ALDOC: variants seen among roughly 807,000 people sequenced by gnomAD.
ALDOC encodes aldolase, fructose-bisphosphate C.
Under a neutral mutation model 39.5 loss-of-function variants are expected in ALDOC, and 23 were observed. The observed-to-expected ratio is 0.58, with a 90% CI of 0.42 to 0.82. ALDOC has a LOEUF of 0.82. Ranked by LOEUF, ALDOC falls within the 40% of genes least tolerant of loss-of-function variation. The probability of loss-of-function intolerance (pLI) is 0.00; values close to 1 mark genes in which losing one functional copy is unlikely to be tolerated. For missense variants in ALDOC, 356 were observed against 479.1 expected, an observed-to-expected ratio of 0.74 and a Z score of 2.40; for synonymous variants, 160 against 182.6, an observed-to-expected ratio of 0.88 and a Z score of 1.00.
rs2070457086 is a variant in ALDOC at position 28,573,940 on chromosome 17, G to A, written c.800-6C>T. The A allele has an allele frequency of 1.2e-6, 2 of 1,613,974 alleles. No homozygotes were observed. Among genetic ancestry groups the A allele is most frequent in the African/African-American group, 2.7e-5 (2 of 74,936 alleles). ...CCCAGACAGGAAGGTCACTCCTAGT[G>A]TGGAGGAGAGAAGACAAACTGACTG... On this transcript the variant is annotated splice_polypyrimidine_tract_variant and splice_region_variant and intron_variant, in intron 7 of 8. Coordinates refer to ENST00000226253, the MANE Select transcript of ALDOC (RefSeq NM_005165.3). The surrounding 1 kb of genome is among the most constrained non-coding windows in gnomAD (Gnocchi z 4.3).
Position 28,575,980 on chromosome 17 carries a change from A to G in ALDOC, c.-12-436T>C. 9.9e-7 allele frequency: 1 copy of G among 1,010,938 alleles called. No individual in the cohort carries two copies. The highest frequency in any genetic ancestry group is 1.2e-6 in the Non-Finnish European group (1 of 844,270). The allele number at this position is 1,010,938 out of a possible 1,614,324, so 62.6% of individuals were successfully genotyped here. ...GTGTACTTACTTCCAAGGCTTCAGA[A>G]TGAGGCAAAAGTACTTATTGCCACC... On this transcript the variant is annotated intron_variant, in intron 1 of 8. Transcript: ENST00000226253. This position sits in a 1 kb window ranked among gnomAD's most constrained non-coding sequence, Gnocchi z 4.3.
rs771544765 is a variant in ALDOC, at chr17:28,574,607, G to A, written c.541-30C>T. 9 of 1,613,702 alleles carry A rather than the reference G, an allele frequency of 5.6e-6. No individual in the cohort carries two copies. The South Asian group carries it at 7.7e-5, about 14-fold the overall frequency. Reference sequence around the variant, plus strand: ...AGGCAAGAGCAGAGATGCTTGGGAGGGGCAGTAGGGGAGATGAAGAAAGCC... The same window carrying A: ...AGGCAAGAGCAGAGATGCTTGGGAGAGGCAGTAGGGGAGATGAAGAAAGCC... On this transcript the variant is annotated intron_variant, in intron 5 of 8. Coordinates refer to ENST00000226253, the MANE Select transcript of ALDOC (RefSeq NM_005165.3).
rs769328383 is a variant in ALDOC at position 28,575,241 on chromosome 17, C to T, written c.206G>A (p.Arg69His). 29 of 1,614,022 alleles carry T rather than the reference C, an allele frequency of 1.8e-5. No homozygotes were observed. The highest frequency in any genetic ancestry group is 2.7e-5 in the African/African-American group (2 of 74,936). The change falls in exon 3 of 9, where the codon CGT (arginine) becomes CAT (histidine). Residue 69 changes from arginine to histidine, a missense_variant. Arg to His is a conservative substitution (Grantham distance 29). Transcript: ENST00000226253. The surrounding 1 kb of genome is among the most constrained non-coding windows in gnomAD (Gnocchi z 4.3). Reference protein sequence around the residue: ...YRQVLFSADDRVKKCIGGVIF... With the variant: ...YRQVLFSADDHVKKCIGGVIF... ...GACGCCTCCAATGCACTTTTTCACA[C>T]GGTCATCAGCACTGAACAGGACCTG...
rs1422996870 is a variant in ALDOC at position 28,574,511 on chromosome 17, GACA to G, written c.604_606del (p.Cys202del). 1.1e-5 allele frequency: 18 copies of G among 1,614,092 alleles called. No homozygotes were observed. The Admixed American group carries it at 2.0e-4, about 18-fold the overall frequency. On this transcript the variant is annotated inframe_deletion, in exon 6 of 9. Coordinates refer to ENST00000226253, the MANE Select transcript of ALDOC (RefSeq NM_005165.3). ...GGACTCACCTTCTCTGTAACATACT[GACA>G]ACGTTTGAGGTCGTGGTCTCCATCA...
chr17:28,573,217 A>G lies in ALDOC; in HGVS notation c.*309T>C. 2.0e-6 allele frequency: 1 copy of G among 489,128 alleles called. No individual in the cohort carries two copies. Among genetic ancestry groups the G allele is most frequent in the Non-Finnish European group, 3.7e-6 (1 of 267,296 alleles). The allele number at this position is 489,128 out of a possible 1,614,324, so 30.3% of individuals were successfully genotyped here. ...ATCCCAGGAGACAGGGCAGGCAAGAAGGAGAGCCCAGGGAGAAGCTACCTC... is the reference window on the plus strand; with the variant it reads ...ATCCCAGGAGACAGGGCAGGCAAGAGGGAGAGCCCAGGGAGAAGCTACCTC... On this transcript the variant is annotated 3_prime_UTR_variant, in exon 9 of 9. Transcript: ENST00000226253. This position sits in a 1 kb window ranked among gnomAD's most constrained non-coding sequence, Gnocchi z 4.3.
chr17:28,576,668 A>G (rs887432028), intron 1 of ALDOC, 133 bp downstream of exon 1: 6 of 436,252 alleles, frequency 1.4e-5, no homozygotes, highest in Non-Finnish European at 1.8e-5. Context: ...AGTACGCGGA[A>G]AGGAGCAAAG....
Position 28,574,250 on chromosome 17 carries a change from G to T in ALDOC, c.625-9C>A. 6.3e-7 allele frequency: 1 copy of T among 1,575,978 alleles called. No individual in the cohort carries two copies. Among genetic ancestry groups the T allele is most frequent in the Non-Finnish European group, 8.6e-7 (1 of 1,161,832 alleles). ...TACACAGCAGCCAAGACCTGGGTGG[G>T]GATTAGAGGAGGTTTACTAAGGGTC... On this transcript the variant is annotated splice_polypyrimidine_tract_variant and intron_variant, in intron 6 of 8. Coordinates refer to ENST00000226253, the MANE Select transcript of ALDOC (RefSeq NM_005165.3).
Position 28,574,780 on chromosome 17 carries a change from CA to C in ALDOC, c.455del (p.Leu152ArgfsTer66). On this transcript the variant is annotated frameshift_variant, in exon 5 of 9. Transcript: ENST00000226253. LOFTEE classifies it high-confidence loss of function. ...GADFAKWRCV[L>X]KISERTPSAL... ...CAGAGGGTGTACGCTCACTGATTTT[CA>C]GCACACAGCGCCACTTGGCAAAGTC... 6.2e-7 allele frequency: 1 copy of C among 1,614,254 alleles called. No individual in the cohort carries two copies. The highest frequency in any genetic ancestry group is 8.5e-7 in the Non-Finnish European group (1 of 1,180,048).
chr17:28,575,063 C>G lies in ALDOC; in HGVS notation c.325-57G>C. The stretch of plus-strand genomic sequence containing the variant: ...CCAGGCAGGATTCTCCTTGCTACCC[C>G]TCCTACACAAGCTTATTTTCACACC... On this transcript the variant is annotated intron_variant, in intron 3 of 8. Coordinates refer to ENST00000226253, the MANE Select transcript of ALDOC (RefSeq NM_005165.3). The surrounding 1 kb of genome is among the most constrained non-coding windows in gnomAD (Gnocchi z 4.3). 2 of 1,614,090 alleles carry G rather than the reference C, an allele frequency of 1.2e-6. No individual in the cohort carries two copies. The highest frequency in any genetic ancestry group is 1.7e-6 in the Non-Finnish European group (2 of 1,179,934).
rs751232806 is a variant in ALDOC at position 28,575,752 on chromosome 17, G to A, written c.-12-208C>T. On this transcript the variant is annotated intron_variant, in intron 1 of 8. Coordinates refer to ENST00000226253, the MANE Select transcript of ALDOC (RefSeq NM_005165.3). The surrounding 1 kb of genome is among the most constrained non-coding windows in gnomAD (Gnocchi z 4.3). ...CCACATCTCCTTTTGTCCCTGGTAG[G>A]CATCCTTCCCAGCCCTGGGGAAAGA... is the stretch of plus-strand genomic sequence containing the variant. The A allele has an allele frequency of 5.1e-5, 36 of 711,348 alleles. No homozygotes were observed. The highest frequency in any genetic ancestry group is 6.8e-5 in the Non-Finnish European group (31 of 452,990). 44.1% of individuals were successfully genotyped at this position (711,348 alleles called of 1,614,324 possible).
chr17:28,573,714 C>A lies in ALDOC; in HGVS notation c.999+21G>T. 1 of 1,614,058 alleles carries A rather than the reference C, an allele frequency of 6.2e-7. No individual in the cohort carries two copies. Among genetic ancestry groups the A allele is most frequent in the Non-Finnish European group, 8.5e-7 (1 of 1,180,012 alleles). On this transcript the variant is annotated intron_variant, in intron 8 of 8. Transcript: ENST00000226253. The surrounding 1 kb of genome is among the most constrained non-coding windows in gnomAD (Gnocchi z 4.3). ...AGCCTCTGGGTGCTGCCCCCACCCACCACCACCTGTAGCTCCCAACCTCAG... is the reference window on the plus strand; with the variant it reads ...AGCCTCTGGGTGCTGCCCCCACCCAACACCACCTGTAGCTCCCAACCTCAG...
Position 28,574,160 on chromosome 17 carries a change from G to T in ALDOC, c.706C>A (p.Pro236Thr). ...TACTTGATGGGACAGGCATGGCCCG[G>T]GGTCACCATGTTGGGCTTGAGCAGG... ...GTLLKPNMVTPGHACPIKYTP... is the reference protein window; with the variant it reads ...GTLLKPNMVTTGHACPIKYTP... Residue 236 changes from proline (P) to threonine (T), a missense_variant, in exon 7 of 9, where the codon CCG becomes ACG. Transcript: ENST00000226253. 6.2e-7 allele frequency: 1 copy of T among 1,612,220 alleles called. No homozygotes were observed. The highest frequency in any genetic ancestry group is 8.5e-7 in the Non-Finnish European group (1 of 1,179,034).
intron 6 of ALDOC, 126 bp downstream of exon 6, chr17:28,574,368 G>A (rs1179865666): frequency 2.3e-5 from 33 of 1,440,238 alleles, no homozygotes; most frequent in Non-Finnish European, 3.0e-5. Flanking sequence ...TCACAGGCCT[G>A]TGCCGGGATG....
Position 28,573,873 on chromosome 17 carries a change from G to C in ALDOC, c.861C>G (p.Ile287Met). The change falls in exon 8 of 9, where the codon ATC becomes ATG. Residue 287 changes from isoleucine (I) to methionine (M), a missense_variant. Transcript: ENST00000226253. The surrounding 1 kb of genome is among the most constrained non-coding windows in gnomAD (Gnocchi z 4.3). The part of the protein sequence containing the change: ...EEEASFNLNA[I>M]NRCPLPRPWA... ...AGGGTCGGGGAAGGGGGCAGCGGTT[G>C]ATGGCATTGAGGTTGAATGATGCCT... is the stretch of plus-strand genomic sequence containing the variant. The C allele has an allele frequency of 6.2e-7, 1 of 1,614,248 alleles. No homozygotes were observed. The highest frequency in any genetic ancestry group is 8.5e-7 in the Non-Finnish European group (1 of 1,180,042).
In ALDOC at chr17:28,573,120, T is replaced by G; in HGVS notation, c.*406A>C. On this transcript the variant is annotated 3_prime_UTR_variant, in exon 9 of 9. Coordinates refer to ENST00000226253, the MANE Select transcript of ALDOC (RefSeq NM_005165.3). This position sits in a 1 kb window ranked among gnomAD's most constrained non-coding sequence, Gnocchi z 4.3. ...TGTAAAACAGACAGGCAAAGTAGAA[T>G]GTTTTGCTACCATTTATTTGCTGTA... 1 of 222,146 alleles carries G rather than the reference T, an allele frequency of 4.5e-6. No homozygotes were observed. The highest frequency in any genetic ancestry group is 1.0e-4 in the East Asian group (1 of 9,958). The allele number at this position is 222,146 out of a possible 1,614,324, so 13.8% of individuals were successfully genotyped here. A position where few individuals can be genotyped will look rare whatever the true frequency, so the allele number is the denominator to read the frequency against.
rs371626408 is a variant in ALDOC, at chr17:28,575,475, C to A, written c.58G>T (p.Ala20Ser). The change falls in exon 2 of 9, where the codon GCC becomes TCC. Residue 20 changes from alanine (A) to serine (S), a missense_variant. Transcript: ENST00000226253. The surrounding 1 kb of genome is among the most constrained non-coding windows in gnomAD (Gnocchi z 4.3). ...AEQKKELSDI[A>S]LRIVAPGKGI... ...TTGCCCGGGGCTACAATCCGCAGGG[C>A]AATGTCAGACAACTCCTTCTTCTGC... 6.2e-7 allele frequency: 1 copy of A among 1,614,220 alleles called. No individual in the cohort carries two copies. The highest frequency in any genetic ancestry group is 1.1e-5 in the South Asian group (1 of 91,084).
Position 28,575,379 on chromosome 17 carries a change from C to A in ALDOC, c.112+42G>T. The A allele has an allele frequency of 6.2e-7, 1 of 1,614,194 alleles. No homozygotes were observed. Among genetic ancestry groups the A allele is most frequent in the Non-Finnish European group, 8.5e-7 (1 of 1,180,026 alleles). ...GGCAGTGAGAACATCCCCAGGGTCC[C>A]CTAGCCACCTGTACCCTACCTGGCT... On this transcript the variant is annotated intron_variant, in intron 2 of 8. Coordinates refer to ENST00000226253, the MANE Select transcript of ALDOC (RefSeq NM_005165.3). The surrounding 1 kb of genome is among the most constrained non-coding windows in gnomAD (Gnocchi z 4.3).
rs2151517014 is a variant in ALDOC, at chr17:28,575,061, C to G, written c.325-55G>C. The G allele has an allele frequency of 1.2e-6, 2 of 1,613,996 alleles. No homozygotes were observed. The highest frequency in any genetic ancestry group is 1.7e-6 in the Non-Finnish European group (2 of 1,179,914). ...ATCCAGGCAGGATTCTCCTTGCTAC[C>G]CCTCCTACACAAGCTTATTTTCACA... On this transcript the variant is annotated intron_variant, in intron 3 of 8. Transcript: ENST00000226253. This position sits in a 1 kb window ranked among gnomAD's most constrained non-coding sequence, Gnocchi z 4.3.
Position 28,574,140 on chromosome 17 carries a change from G to A in ALDOC, c.726C>T (p.Ile242=). The change falls in exon 7 of 9, where the codon ATC becomes ATT. Residue 242 remains isoleucine (I), a synonymous_variant. Coordinates refer to ENST00000226253, the MANE Select transcript of ALDOC (RefSeq NM_005165.3). ...TGGCAATCTCCTCTGGGGTATACTT[G>A]ATGGGACAGGCATGGCCCGGGGTCA... is the stretch of plus-strand genomic sequence containing the variant. ...NMVTPGHACP[I]KYTPEEIAMA... 1 of 1,611,836 alleles carries A rather than the reference G, an allele frequency of 6.2e-7. No homozygotes were observed. Among genetic ancestry groups the A allele is most frequent in the Non-Finnish European group, 8.5e-7 (1 of 1,178,840 alleles).
Sources: gnomAD v4.1 joint callset for allele counts on GRCh38, gnomAD v4.1.1 for gene constraint, Gnocchi (gnomAD v3.1) non-coding constraint, MANE v1.5 for transcripts, NCBI Gene and HGNC (gene_info 2026-07-23, HGNC 2026-07-21) for gene names.